Variants in TLE4 observed in about 807,000 individuals in gnomAD.
TLE4 encodes transducin-like enhancer protein 4.
Under a neutral mutation model 92.8 loss-of-function variants are expected in TLE4, and 8 were observed. The ratio of observed to expected loss-of-function variants is 0.09; its 90% CI spans 0.05 to 0.16. TLE4 has a LOEUF of 0.16. Among genes scored for constraint, TLE4 ranks in the 10% least tolerant of loss-of-function variants. The pLI, the probability that TLE4 is intolerant of heterozygous loss-of-function variation, is 1.00. For missense variants in TLE4, 675 were observed against 997.6 expected (o/e 0.68, Z 4.36); for synonymous variants, 371 against 374.1 (o/e 0.99, Z 0.10).
chr9:79,669,059 A>AT (rs1200315025), intron 8 of TLE4, among the ~76,000 whole-genome samples: 1 of 152,210 alleles, frequency 6.6e-6, no homozygotes, highest in Admixed American at 6.5e-5. Flanking sequence ...TTGTGCATGT[A>AT]TTTTCCCTAT....
At chr9:79,696,083 G>A (rs1380267028) in intron 8 of TLE4, among the ~76,000 whole-genome samples, 1 of 152,152 alleles carries the variant, frequency 6.6e-6, no homozygotes, top group East Asian at 1.9e-4. Context: ...CAGCAATGTG[G>A]CCAGTCCAAA....
rs1587886889 is a variant in TLE4 at position 79,655,933 on chromosome 9, GAGTA to G, written c.609+1861_609+1864del. Among the ~76,000 whole-genome samples the G allele has an allele frequency of 2.0e-5, 3 of 152,294 alleles. No individual in the cohort carries two copies. In the East Asian group the frequency reaches 5.8e-4, roughly 29 times the overall value. On this transcript the variant is annotated intron_variant, in intron 8 of 19. Coordinates refer to ENST00000376552, the MANE Select transcript of TLE4 (RefSeq NM_007005.6). ...TACATTTTCTTATTCCCTCATGCAA[GAGTA>G]AGGGTGTGTTTTGAAATCATCAATA...
At chr9:79,635,294 T>A (rs2055436989) in intron 6 of TLE4, among the ~76,000 whole-genome samples, 1 of 152,182 alleles carries the variant, frequency 6.6e-6, no homozygotes, top group Non-Finnish European at 1.5e-5. Context: ...TGCCTCTTTT[T>A]TTTTCATCAG....
At chr9:79,605,944 G>C (rs1369078843) in intron 4 of TLE4, among the ~76,000 whole-genome samples, 1 of 152,036 alleles carries the variant, frequency 6.6e-6, no homozygotes, top group Non-Finnish European at 1.5e-5. Context: ...GTGGAAGGGA[G>C]GTATGGGGGT....
intron 8 of TLE4, among the ~76,000 whole-genome samples, chr9:79,677,443 T>G (rs2063475388): frequency 6.6e-6 from 1 of 152,152 alleles, no homozygotes; most frequent in African/African-American, 2.4e-5. Flanking sequence ...ATGTATGTTG[T>G]CTCATTCTAA....
At chr9:79,577,122 A>G (rs1411776729) in intron 4 of TLE4, among the ~76,000 whole-genome samples, 1 of 152,134 alleles carries the variant, frequency 6.6e-6, no homozygotes, top group East Asian at 1.9e-4. Flanking sequence ...GGAAAAAGAC[A>G]AGGGAAAACT....
At chr9:79,601,551 T>C in intron 4 of TLE4, 1 of 447,416 alleles carries the variant, frequency 2.2e-6, no homozygotes, top group South Asian at 1.6e-5. Flanking sequence ...TATTACTTTA[T>C]CTGTTACATG....
chr9:79,719,598 G>A (rs1172918944), intron 15 of TLE4, among the ~76,000 whole-genome samples: 1 of 152,108 alleles, frequency 6.6e-6, no homozygotes, highest in Non-Finnish European at 1.5e-5. Context: ...CCAGGCAAAA[G>A]GAACAGACTG....
rs71364418 is a variant in TLE4, at chr9:79,588,135, CGTGTGTGTGT to C, written c.252+11977_252+11986del. On this transcript the variant is annotated intron_variant, in intron 4 of 19. Coordinates refer to ENST00000376552, the MANE Select transcript of TLE4 (RefSeq NM_007005.6). ...TGGTAAACTTCTTTGTTTATCCTTG[CGTGTGTGTGT>C]GTGTGTGTGTGTGTGTGTTTTGAGA... is the stretch of plus-strand genomic sequence containing the variant. Among the ~76,000 whole-genome samples, 8 of 146,816 alleles carry C rather than the reference CGTGTGTGTGT, an allele frequency of 5.4e-5. No homozygotes were observed. The East Asian group carries it at 1.4e-3, about 26-fold the overall frequency.
At chr9:79,709,375 CTT>C (rs2072633642) in intron 13 of TLE4, among the ~76,000 whole-genome samples, 1 of 152,114 alleles carries the variant, frequency 6.6e-6, no homozygotes, top group Admixed American at 6.5e-5. Flanking sequence ...TGTAATGACT[CTT>C]TGGTTCTACC....
In TLE4 at chr9:79,661,443, G is replaced by A. The variant is rs117379493; in HGVS notation, c.609+7368G>A. Among the ~76,000 whole-genome samples, 301 of 152,250 alleles carry A rather than the reference G, an allele frequency of 2.0e-3. 2 individuals carry two copies. The highest frequency in any genetic ancestry group is 3.4e-3 in the Middle Eastern group (1 of 292). On this transcript the variant is annotated intron_variant, in intron 8 of 19. Coordinates refer to ENST00000376552, the MANE Select transcript of TLE4 (RefSeq NM_007005.6). ...CGCGTAGGACCCACCACTTTAATAA[G>A]GGCTGTAATTTTGGACTTAGAGAGT...
intron 8 of TLE4, among the ~76,000 whole-genome samples, chr9:79,654,869 C>T (rs577493768): frequency 1.3e-5 from 2 of 152,252 alleles, no homozygotes; most frequent in South Asian, 4.1e-4. Flanking sequence ...GTAGGCCGGG[C>T]TTGGTGGTTC....
chr9:79,603,337 A>G (rs1258082052), intron 4 of TLE4, among the ~76,000 whole-genome samples: 1 of 152,032 alleles, frequency 6.6e-6, no homozygotes, highest in Non-Finnish European at 1.5e-5. Context: ...AAGCTTAATT[A>G]TTGTCTGTTT....
rs17082577 is a variant in TLE4, at chr9:79,617,376, A to G, written c.315+4658A>G. ...GTGTTTTTTGTACTCTTGTTTCCCT[A>G]TAAGGATCACTTTTAAGATAGGGTA... is the stretch of plus-strand genomic sequence containing the variant. On this transcript the variant is annotated intron_variant, in intron 5 of 19. Transcript: ENST00000376552. Among the ~76,000 whole-genome samples, 7 of 152,202 alleles carry G rather than the reference A, an allele frequency of 4.6e-5. No individual in the cohort carries two copies. In the South Asian group the frequency reaches 1.2e-3, roughly 27 times the overall value.
chr9:79,574,971 T>G (rs770997282), intron 3 of TLE4, 35 bp downstream of exon 3: 7 of 1,588,684 alleles, frequency 4.4e-6, no homozygotes, highest in Admixed American at 1.7e-5. Context: ...AAAGTGCCTA[T>G]TAGTTTGGAA....
intron 6 of TLE4, among the ~76,000 whole-genome samples, chr9:79,651,455 G>A (rs1196533128): frequency 6.6e-6 from 1 of 152,118 alleles, no homozygotes; most frequent in Non-Finnish European, 1.5e-5. Flanking sequence ...TCTATGTGTT[G>A]CCAGTGTGCT....
At chr9:79,671,837 T>A (rs780500101) in intron 8 of TLE4, among the ~76,000 whole-genome samples, 5 of 151,002 alleles carry the variant, frequency 3.3e-5, no homozygotes, top group Non-Finnish European at 7.4e-5. Context: ...AGGACTATAC[T>A]CCCACCCCTA....
At chr9:79,690,917 T>G (rs2066944146) in intron 8 of TLE4, among the ~76,000 whole-genome samples, 1 of 151,642 alleles carries the variant, frequency 6.6e-6, no homozygotes, top group Non-Finnish European at 1.5e-5. Context: ...ATTACAGGCA[T>G]GAGCCACCAT....
At chr9:79,707,916 A>G (rs2072139594) in intron 11 of TLE4, among the ~76,000 whole-genome samples, 1 of 152,210 alleles carries the variant, frequency 6.6e-6, no homozygotes, top group Admixed American at 6.5e-5. Context: ...GCTTCAGTTT[A>G]TGTCTTCCCA....
Sources: allele counts gnomAD v4.1 joint callset (sites outside exome capture counted in the v4.1 genomes callset), GRCh38; gene constraint gnomAD v4.1.1; transcripts MANE v1.5; gene names NCBI Gene and HGNC (gene_info 2026-07-23, HGNC 2026-07-21).